PHF14: variants seen among roughly 807,000 people sequenced by gnomAD.
PHF14 encodes the protein PHD finger protein 14.
In PHF14, 55 loss-of-function variants were observed where a neutral mutation model predicts 117.9. That is an observed-to-expected ratio of 0.47 (90% CI 0.38 to 0.58). The LOEUF (loss-of-function observed/expected upper bound fraction) is 0.58. Among genes scored for constraint, PHF14 ranks in the 20% least tolerant of loss-of-function variants. The pLI is 0.00. For missense variants in PHF14, 978 were observed against 1,122.2 expected, an observed-to-expected ratio of 0.87 and a Z score of 1.84; for synonymous variants, 409 against 368.6, an observed-to-expected ratio of 1.11 and a Z score of -1.26.
At chr7:10,995,636 G>A (rs1284318424) in intron 4 of PHF14, among the ~76,000 whole-genome samples, 1 of 152,200 alleles carries the variant, frequency 6.6e-6, no homozygotes, top group Non-Finnish European at 1.5e-5. Flanking sequence ...CCACGCAGGA[G>A]CCCATGGCGG....
chr7:11,059,957 A>G (rs541040095), intron 14 of PHF14, among the ~76,000 whole-genome samples: 1 of 152,042 alleles, frequency 6.6e-6, no homozygotes, highest in African/African-American at 2.4e-5. Flanking sequence ...TGCAGCCTAG[A>G]TCTCCTGGGC....
At chr7:11,093,849 CA>C (rs1422412894) in intron 16 of PHF14, among the ~76,000 whole-genome samples, 1 of 152,228 alleles carries the variant, frequency 6.6e-6, no homozygotes, top group Admixed American at 6.5e-5. Flanking sequence ...TTCTGACTCT[CA>C]GGGGTAGGAG....
At chr7:11,148,974 G>A (rs530258131) in intron 17 of PHF14, among the ~76,000 whole-genome samples, 1 of 150,724 alleles carries the variant, frequency 6.6e-6, no homozygotes, top group East Asian at 1.9e-4. Flanking sequence ...AATCATTTTT[G>A]TTTATTTAAA....
At chr7:11,163,092 TAAAG>T (rs749732644) in intron 17 of PHF14, among the ~76,000 whole-genome samples, 19 of 152,260 alleles carry the variant, frequency 1.2e-4, no homozygotes, top group Non-Finnish European at 2.4e-4. Context: ...CAGTATTAAA[TAAAG>T]GGAGATCTCT....
intron 5 of PHF14, chr7:11,015,003 AGAG>A (rs575687788): frequency 1.8e-5 from 1 of 54,388 alleles, no homozygotes. Context: ...CTCCAATATA[AGAG>A]GGGGGGTGGG....
chr7:11,063,556 A>G, intron 16 of PHF14: 1 of 973,050 alleles, frequency 1.0e-6, no homozygotes, highest in Non-Finnish European at 1.2e-6. Flanking sequence ...CCTTTTATTA[A>G]TTATTTGAAC....
At chr7:11,123,461 G>A (rs926448230) in intron 17 of PHF14, among the ~76,000 whole-genome samples, 2 of 152,010 alleles carry the variant, frequency 1.3e-5, no homozygotes, top group Non-Finnish European at 2.9e-5. Flanking sequence ...TTAAAATGTT[G>A]GACTCTTGAA....
At position 11,038,834 on chromosome 7, in the gene PHF14, A is replaced by G. The variant is rs1227011868; in HGVS notation, c.2055A>G (p.Leu685=). The G allele has an allele frequency of 1.3e-6, 2 of 1,566,780 alleles. No homozygotes were observed. Among genetic ancestry groups the G allele is most frequent in the African/African-American group, 1.4e-5 (1 of 73,260 alleles). Reference sequence around the variant, plus strand: ...GTGAAGGACAAGGAATATGGGCTTTACTAGGCAGAATCACAGGGCAGGTTA... The same window carrying G: ...GTGAAGGACAAGGAATATGGGCTTTGCTAGGCAGAATCACAGGGCAGGTTA... ...LRSEGQGIWA[L]LGRITGQKLN... The change falls in exon 11 of 18, where the codon TTA becomes TTG. Residue 685 remains leucine (L), a synonymous_variant. Coordinates refer to ENST00000634607, the MANE Select transcript of PHF14 (RefSeq NM_001007157.2).
intron 11 of PHF14, among the ~76,000 whole-genome samples, chr7:11,039,877 T>G (rs1215240382): frequency 6.6e-6 from 1 of 152,198 alleles, no homozygotes; most frequent in Non-Finnish European, 1.5e-5. Context: ...TGGAAGATTA[T>G]GTTTTATACT....
intron 17 of PHF14, among the ~76,000 whole-genome samples, chr7:11,151,482 C>T (rs1033858392): frequency 2.6e-4 from 39 of 152,098 alleles, no homozygotes; most frequent in Admixed American, 1.8e-3. Flanking sequence ...TCATTTGAGC[C>T]CAGGAGGTTG....
intron 17 of PHF14, among the ~76,000 whole-genome samples, chr7:11,114,543 TTAA>T (rs1787540816): frequency 6.6e-6 from 1 of 152,108 alleles, no homozygotes; most frequent in Admixed American, 6.6e-5. Flanking sequence ...ATATTTAGTT[TTAA>T]TAATATTGAT....
intron 5 of PHF14, among the ~76,000 whole-genome samples, chr7:11,019,852 G>A (rs145873576): frequency 6.6e-6 from 1 of 152,032 alleles, no homozygotes; most frequent in Non-Finnish European, 1.5e-5. Flanking sequence ...CTCTTTTGAT[G>A]TAGGTACCTA....
At chr7:11,076,975 G>T (rs1785880479) in intron 16 of PHF14, among the ~76,000 whole-genome samples, 1 of 146,756 alleles carries the variant, frequency 6.8e-6, no homozygotes, top group Non-Finnish European at 1.5e-5. Flanking sequence ...TATATATGTT[G>T]TACTTATGTT....
intron 3 of PHF14, among the ~76,000 whole-genome samples, chr7:10,983,460 C>G (rs1473046090): frequency 2.0e-5 from 3 of 152,114 alleles, no homozygotes; most frequent in Admixed American, 6.6e-5. Flanking sequence ...CTTTTTATCC[C>G]TTTACTCCTT....
intron 2 of PHF14, among the ~76,000 whole-genome samples, chr7:10,980,744 T>A (rs1390992375): frequency 6.6e-6 from 1 of 152,194 alleles, no homozygotes; most frequent in Non-Finnish European, 1.5e-5. Flanking sequence ...TCCGCAGAAA[T>A]AATGTTTGAT....
chr7:11,060,336 G>A (rs915972159), intron 14 of PHF14, among the ~76,000 whole-genome samples: 2 of 152,146 alleles, frequency 1.3e-5, no homozygotes, highest in African/African-American at 4.8e-5. Context: ...ATATGATATG[G>A]TCCTTACCAA....
chr7:11,053,526 CTAGT>C (rs1338322134), intron 14 of PHF14, among the ~76,000 whole-genome samples: 1 of 151,910 alleles, frequency 6.6e-6, no homozygotes, highest in Non-Finnish European at 1.5e-5. Flanking sequence ...AAAATGGTAA[CTAGT>C]TATTCTTAAG....
chr7:10,997,657 C>T (rs1387077602), intron 4 of PHF14, among the ~76,000 whole-genome samples: 2 of 152,170 alleles, frequency 1.3e-5, no homozygotes, highest in Non-Finnish European at 2.9e-5. Flanking sequence ...GGATTTGCTT[C>T]TAAGCTAAGT....
chr7:11,017,916 A>G (rs1024351828), intron 5 of PHF14, among the ~76,000 whole-genome samples: 9 of 152,236 alleles, frequency 5.9e-5, no homozygotes, highest in Non-Finnish European at 1.5e-5. Context: ...TAAGTCTTTA[A>G]TCCATTTTGA....
Sources: allele counts gnomAD v4.1 joint callset (sites outside exome capture counted in the v4.1 genomes callset), GRCh38; gene constraint gnomAD v4.1.1; transcripts MANE v1.5; gene names NCBI Gene and HGNC (gene_info 2026-07-23, HGNC 2026-07-21).